Variants in CPPED1 observed in about 807,000 individuals in gnomAD.
The protein encoded by CPPED1 is serine/threonine-protein phosphatase CPPED1.
A neutral mutation model predicts 28.0 loss-of-function variants in CPPED1; 28 were observed. The observed-to-expected ratio is 1.00, with a 90% confidence interval of 0.74 to 1.37. The LOEUF is 1.37. CPPED1 is among the 40% of genes most tolerant of loss of function. The pLI is 0.00. For synonymous variants in CPPED1, 198 were observed against 180.2 expected (o/e 1.10, Z -0.79); for missense variants, 504 against 416.5 (o/e 1.21, Z -1.83).
chr16:12,782,491 A>G (rs1174909376), intron 1 of CPPED1, among the ~76,000 whole-genome samples: 6 of 151,812 alleles, frequency 4.0e-5, no homozygotes, highest in Non-Finnish European at 4.4e-5. Flanking sequence ...AGAACTTGCT[A>G]AATGGCCTGC....
At chr16:12,759,163 TAAAAAAAAAA>T (rs61373635) in intron 2 of CPPED1, 1 of 74,364 alleles carries the variant, frequency 1.3e-5, no homozygotes, top group African/African-American at 5.4e-5. Flanking sequence ...ACTCTGTCTC[TAAAAAAAAAA>T]AAAAAAAAAA....
chr16:12,714,646 C>A (rs2080097860), intron 2 of CPPED1, among the ~76,000 whole-genome samples: 1 of 152,092 alleles, frequency 6.6e-6, no homozygotes, highest in African/African-American at 2.4e-5. Flanking sequence ...TTTGTCTTTT[C>A]ATTATTAATA....
At chr16:12,760,041 ACGTCTGTG>A (rs2141225947) in intron 2 of CPPED1, among the ~76,000 whole-genome samples, 1 of 152,322 alleles carries the variant, frequency 6.6e-6, no homozygotes, top group African/African-American at 2.4e-5. Context: ...TGTGGGTTCC[ACGTCTGTG>A]GATTCAACTG....
chr16:12,664,364 A>T lies in CPPED1; in HGVS notation c.*522T>A. ...GCCTACTTGGCTCCTTGTCAAAATA[A>T]GTCTGCATGGCTCTCACAACAAGGG... On this transcript the variant is annotated 3_prime_UTR_variant, in exon 4 of 4. Coordinates refer to ENST00000381774, the MANE Select transcript of CPPED1 (RefSeq NM_018340.3). This position sits in a 1 kb window ranked among gnomAD's most constrained non-coding sequence, Gnocchi z 4.2. 3 of 993,214 alleles carry T rather than the reference A, an allele frequency of 3.0e-6. No individual in the cohort carries two copies. The highest frequency in any genetic ancestry group is 3.6e-6 in the Non-Finnish European group (3 of 835,612). 61.5% of individuals were successfully genotyped at this position (993,214 alleles called of 1,614,324 possible). A position where few individuals can be genotyped will look rare whatever the true frequency, so the allele number is the denominator to read the frequency against.
At chr16:12,665,401 G>A (rs1023605569) in intron 3 of CPPED1, among the ~76,000 whole-genome samples, 2 of 152,092 alleles carry the variant, frequency 1.3e-5, no homozygotes, top group African/African-American at 2.4e-5. Flanking sequence ...AGAGAAGGAA[G>A]ATGAAGTGAA....
intron 2 of CPPED1, among the ~76,000 whole-genome samples, chr16:12,766,256 T>TAG (rs1555490100): frequency 0.033 from 4,437 of 134,228 alleles, 103 homozygotes; most frequent in Middle Eastern, 0.048. Context: ...TATATATATA[T>TAG]AGAGAGAGAG....
chr16:12,764,135 GA>G (rs2080425695), intron 2 of CPPED1, among the ~76,000 whole-genome samples: 1 of 151,310 alleles, frequency 6.6e-6, no homozygotes, highest in African/African-American at 2.4e-5. Flanking sequence ...CTTTCTCTGA[GA>G]AGCAGGTCAA....
At chr16:12,676,141 T>C (rs1427429559) in intron 3 of CPPED1, among the ~76,000 whole-genome samples, 1 of 152,180 alleles carries the variant, frequency 6.6e-6, no homozygotes, top group Non-Finnish European at 1.5e-5. Flanking sequence ...CTGGTATATA[T>C]CTTCCCCAGT....
chr16:12,770,082 G>A (rs991916693), intron 2 of CPPED1, among the ~76,000 whole-genome samples: 5 of 152,134 alleles, frequency 3.3e-5, no homozygotes, highest in Non-Finnish European at 5.9e-5. Flanking sequence ...CATGGTAGGC[G>A]GTGCAGGAAC....
intron 3 of CPPED1, among the ~76,000 whole-genome samples, chr16:12,701,615 G>A (rs960841093): frequency 6.6e-6 from 1 of 152,162 alleles, no homozygotes; most frequent in Admixed American, 6.5e-5. Flanking sequence ...ACTGAGAAGG[G>A]CCCTGGACAC....
At position 12,664,970 on chromosome 16, in the gene CPPED1, T is replaced by G. The variant is rs187369619; in HGVS notation, c.861A>C (p.Lys287Asn). 1 of 1,611,278 alleles carries G rather than the reference T, an allele frequency of 6.2e-7. No homozygotes were observed. Among genetic ancestry groups the G allele is most frequent in the African/African-American group, 1.3e-5 (1 of 74,700 alleles). ...CTAGACTGTAGTATCGGTGAACAAT[T>G]TTCTCGGCGGTGACCACCACGACTC... ...GLRVVVVTAE[K>N]IVHRYYSLDE... Residue 287 changes from lysine (K) to asparagine (N), a missense_variant, in exon 4 of 4, where the codon AAA (lysine) becomes AAC (asparagine). Physicochemically the swap from Lys to Asn is moderately conservative, Grantham distance 94 (BLOSUM62 0). Transcript: ENST00000381774. The surrounding 1 kb of genome is among the most constrained non-coding windows in gnomAD (Gnocchi z 4.2).
chr16:12,695,483 C>T (rs2141181149), intron 3 of CPPED1, among the ~76,000 whole-genome samples: 1 of 152,258 alleles, frequency 6.6e-6, no homozygotes, highest in East Asian at 1.9e-4. Context: ...GTTGCCTGGG[C>T]TAGTCTCGAA....
rs778867274 is a variant in CPPED1 at position 12,665,004 on chromosome 16, T to TG, written c.826dup (p.His276ProfsTer22). ...GGTGACCACCACGACTCGGAGCCCG[T>TG]GGGGGTCTCTGCCCAGCTGGCATCC... On this transcript the variant is annotated frameshift_variant, in exon 4 of 4. Coordinates refer to ENST00000381774, the MANE Select transcript of CPPED1 (RefSeq NM_018340.3). LOFTEE classifies it high-confidence loss of function. 1.9e-5 allele frequency: 31 copies of TG among 1,611,796 alleles called. No individual in the cohort carries two copies. The highest frequency in any genetic ancestry group is 2.5e-5 in the Non-Finnish European group (30 of 1,179,258).
At chr16:12,765,317 G>A (rs1006062914) in intron 2 of CPPED1, among the ~76,000 whole-genome samples, 2 of 152,090 alleles carry the variant, frequency 1.3e-5, no homozygotes, top group Non-Finnish European at 2.9e-5. Flanking sequence ...AATTACACAT[G>A]TTATCAGACA....
intron 2 of CPPED1, among the ~76,000 whole-genome samples, chr16:12,712,132 C>G (rs928433442): frequency 2.6e-5 from 4 of 152,218 alleles, no homozygotes; most frequent in East Asian, 1.9e-4. Flanking sequence ...GGAGGCCACA[C>G]CTGTCCTGCA....
At chr16:12,762,577 C>T (rs1357522472) in intron 2 of CPPED1, among the ~76,000 whole-genome samples, 1 of 152,058 alleles carries the variant, frequency 6.6e-6, no homozygotes, top group Non-Finnish European at 1.5e-5. Flanking sequence ...TGAAAGAAGT[C>T]GATCCCAAGG....
At chr16:12,778,307 C>T (rs1448251740) in intron 2 of CPPED1, among the ~76,000 whole-genome samples, 54 of 136,456 alleles carry the variant, frequency 4.0e-4, no homozygotes, top group African/African-American at 1.4e-3. Context: ...GATGGAGTCT[C>T]GCTCTGCTGC....
intron 1 of CPPED1, among the ~76,000 whole-genome samples, chr16:12,794,568 G>T (rs538540173): frequency 2.0e-5 from 3 of 150,774 alleles, no homozygotes; most frequent in Non-Finnish European, 2.9e-5. Flanking sequence ...GGGACCAGAA[G>T]AGTTTCAGAT....
intron 3 of CPPED1, among the ~76,000 whole-genome samples, chr16:12,668,632 C>A (rs2079838376): frequency 6.6e-6 from 1 of 152,186 alleles, no homozygotes; most frequent in Non-Finnish European, 1.5e-5. Flanking sequence ...AGAGCTTTTA[C>A]AACTCAACCA....
Sources: gnomAD v4.1 joint callset for allele counts (sites outside exome capture counted in the v4.1 genomes callset) on GRCh38, gnomAD v4.1.1 for gene constraint, Gnocchi (gnomAD v3.1) non-coding constraint, MANE v1.5 for transcripts, NCBI Gene and HGNC (gene_info 2026-07-23, HGNC 2026-07-21) for gene names.